MYLK: variants seen among roughly 807,000 people sequenced by gnomAD.
MYLK encodes the protein myosin light chain kinase, also known as myosin light chain kinase, smooth muscle.
MYLK carries 106 observed loss-of-function variants against 203.4 expected under a neutral mutation model. The ratio of observed to expected loss-of-function variants is 0.52; its 90% CI spans 0.45 to 0.61. The LOEUF (loss-of-function observed/expected upper bound fraction) is 0.61, where lower values mean the gene tolerates loss of function less well. MYLK is among the 20% of genes least tolerant of loss of function. MYLK has a pLI of 0.00. For missense variants in MYLK, 2,072 were observed against 2,442.3 expected (o/e 0.85, Z 3.20); for synonymous variants, 867 against 959.5 (o/e 0.90, Z 1.78).
In MYLK at chr3:123,680,091, T is replaced by C. The variant is rs543843324; in HGVS notation, c.3652+2133A>G. Among the ~76,000 whole-genome samples, 25 of 152,216 alleles carry C rather than the reference T, an allele frequency of 1.6e-4. No individual in the cohort carries two copies. In the East Asian group the frequency reaches 4.3e-3, roughly 26 times the overall value. On this transcript the variant is annotated intron_variant, in intron 20 of 33. Transcript: ENST00000360304. ...GCCTGTGCGGCAGTGGTTTAAATGC[T>C]CCCCAGGTGAATATAACACACAGCC...
intron 3 of MYLK, among the ~76,000 whole-genome samples, chr3:123,806,386 G>A (rs1242216423): frequency 5.9e-5 from 9 of 152,160 alleles, no homozygotes; most frequent in Admixed American, 3.3e-4. Flanking sequence ...CAGGTGAGCC[G>A]TCTGTATAGA....
intron 2 of MYLK, among the ~76,000 whole-genome samples, chr3:123,849,278 C>G (rs1489875888): frequency 6.6e-6 from 1 of 152,162 alleles, no homozygotes; most frequent in Admixed American, 6.5e-5. Flanking sequence ...CTGACCTCAA[C>G]TTATTTTTCA....
intron 12 of MYLK, 37 bp downstream of exon 12, chr3:123,725,907 G>A (rs954982969): frequency 1.2e-6 from 2 of 1,607,656 alleles, no homozygotes; most frequent in Non-Finnish European, 1.7e-6. Context: ...AAGGGCCCAG[G>A]GGATGGGAGC....
intron 12 of MYLK, among the ~76,000 whole-genome samples, chr3:123,723,969 C>T (rs1481781675): frequency 6.6e-6 from 1 of 152,012 alleles, no homozygotes; most frequent in Non-Finnish European, 1.5e-5. Context: ...ATGTGAAACT[C>T]ACATTTCAGT....
At chr3:123,637,990 G>T in intron 29 of MYLK, 81 bp downstream of exon 29, 2 of 1,598,664 alleles carry the variant, frequency 1.3e-6, no homozygotes, top group East Asian at 2.2e-5. Context: ...GGCAGCCTGG[G>T]GACCCTCCTG....
chr3:123,788,485 C>T (rs1015808862), intron 4 of MYLK, among the ~76,000 whole-genome samples: 1 of 148,278 alleles, frequency 6.7e-6, no homozygotes, highest in African/African-American at 2.6e-5. Flanking sequence ...GTGTGCTGCA[C>T]CCATTTAATT....
At chr3:123,755,392 C>A (rs2063330375) in intron 4 of MYLK, among the ~76,000 whole-genome samples, 1 of 152,124 alleles carries the variant, frequency 6.6e-6, no homozygotes, top group South Asian at 2.1e-4. Flanking sequence ...CTACACATAC[C>A]CCAAGCTTAC....
intron 8 of MYLK, among the ~76,000 whole-genome samples, chr3:123,736,441 G>A (rs1048987786): frequency 2.0e-5 from 3 of 152,092 alleles, no homozygotes; most frequent in African/African-American, 4.8e-5. Flanking sequence ...CCTGACCCCC[G>A]AGTTCCTGCT....
At chr3:123,799,853 G>C (rs76680456) in intron 3 of MYLK, 1 of 152,234 alleles carries the variant, frequency 6.6e-6, no homozygotes, top group Non-Finnish European at 1.5e-5. Flanking sequence ...CTTCTTCCTC[G>C]GCAGCTCTCA....
intron 23 of MYLK, among the ~76,000 whole-genome samples, chr3:123,659,914 A>G (rs924379559): frequency 6.6e-6 from 1 of 152,226 alleles, no homozygotes; most frequent in Admixed American, 6.5e-5. Context: ...TTTTCTCCTC[A>G]GCAAATGTTC....
intron 23 of MYLK, among the ~76,000 whole-genome samples, chr3:123,661,049 C>T (rs2059546211): frequency 6.6e-6 from 1 of 152,214 alleles, no homozygotes; most frequent in South Asian, 2.1e-4. Flanking sequence ...CCATTCCATT[C>T]CCCTCCCAGG....
chr3:123,666,905 G>T, intron 21 of MYLK: 1 of 611,394 alleles, frequency 1.6e-6, no homozygotes, highest in Admixed American at 2.9e-5. Context: ...TGTCAACATG[G>T]GAGGCAGATG....
intron 11 of MYLK, among the ~76,000 whole-genome samples, chr3:123,729,902 A>T (rs1474307599): frequency 1.3e-5 from 2 of 151,088 alleles, no homozygotes; most frequent in Non-Finnish European, 2.9e-5. Context: ...AAAAAATCAT[A>T]GTCAGATGAT....
chr3:123,620,928 T>G lies in MYLK; in HGVS notation c.5239-592A>C, dbSNP rs9818975. 1,400 of 154,264 alleles carry G rather than the reference T, an allele frequency of 9.1e-3. 18 individuals carry two copies. The highest frequency in any genetic ancestry group is 0.033 in the African/African-American group (1,357 of 41,584). The allele number at this position is 154,264 out of a possible 1,614,324, so 9.6% of individuals were successfully genotyped here. ...CTCCAAGGTCCCATTTAGCTCTGTTTATAATTCAGAGACTTAAAAGATTTT... is the reference window on the plus strand; with the variant it reads ...CTCCAAGGTCCCATTTAGCTCTGTTGATAATTCAGAGACTTAAAAGATTTT... On this transcript the variant is annotated intron_variant, in intron 31 of 33. Coordinates refer to ENST00000360304, the MANE Select transcript of MYLK (RefSeq NM_053025.4).
rs1576794350 is a variant in MYLK, at chr3:123,737,392, T to C, written c.740A>G (p.Glu247Gly). The C allele has an allele frequency of 6.2e-7, 1 of 1,614,094 alleles. No individual in the cohort carries two copies. Among genetic ancestry groups the C allele is most frequent in the East Asian group, 2.2e-5 (1 of 44,880 alleles). The change falls in exon 8 of 34, where the codon GAA becomes GGA. Residue 247 changes from glutamate to glycine, a missense_variant. Physicochemically the swap from Glu to Gly is moderately conservative, Grantham distance 98. Around this residue, in one of 3 missense-constraint regions of MYLK, gnomAD observed 683 missense variants for 643.8 expected, o/e 1.06. Coordinates refer to ENST00000360304, the MANE Select transcript of MYLK (RefSeq NM_053025.4). ...NGSGKASMSA[E>G]LSIQGLDSAN... ...CTGGTCGATACCTTGGATGGAAAGT[T>C]CAGCTGACATCGAGGCCTTCCCCGA... is the stretch of plus-strand genomic sequence containing the variant.
chr3:123,873,701 A>G (rs16834837), intron 2 of MYLK, among the ~76,000 whole-genome samples: 15,291 of 152,188 alleles, frequency 0.1, 1,201 homozygotes, highest in East Asian at 0.36. Flanking sequence ...TCTATATCCC[A>G]GCCTTTTAAA....
chr3:123,863,349 G>GA (rs1237375104), intron 2 of MYLK, among the ~76,000 whole-genome samples: 4 of 4,006 alleles, frequency 1.0e-3, no homozygotes, highest in Middle Eastern at 0.1. Flanking sequence ...TTTGGACACA[G>GA]AAAAAAAAAT....
At position 123,629,533 on chromosome 3, in the gene MYLK, G is replaced by A. The variant is rs148364244; in HGVS notation, c.5055C>T (p.Phe1685=). The A allele has an allele frequency of 9.3e-6, 15 of 1,614,164 alleles. No homozygotes were observed. The highest frequency in any genetic ancestry group is 1.3e-5 in the Non-Finnish European group (15 of 1,180,040). ...CCTTGGCATCGTCGGAGATCTCATC[G>A]AATGCCTCGTCGTCGAAGTCCCAGG... The part of the protein sequence containing the change: ...SATWDFDDEA[F]DEISDDAKDF... The change falls in exon 30 of 34, where the codon TTC becomes TTT. Residue 1685 remains phenylalanine (F), a synonymous_variant. Transcript: ENST00000360304. The surrounding 1 kb of genome is among the most constrained non-coding windows in gnomAD (Gnocchi z 4.4).
At position 123,700,943 on chromosome 3, in the gene MYLK, C is replaced by T; in HGVS notation, c.2525G>A (p.Gly842Asp). Residue 842 changes from glycine (G) to aspartate (D), a missense_variant, in exon 18 of 34, where the codon GGT (glycine) becomes GAT (aspartate). Gly to Asp is a moderately conservative substitution (Grantham distance 94). This residue lies in a region of MYLK where 865 missense variants were observed against 1,016.0 expected (regional missense o/e 0.85). Coordinates refer to ENST00000360304, the MANE Select transcript of MYLK (RefSeq NM_053025.4). ...CGGGVGADGG[G>D]SDRYGSLRPG... is the part of the protein sequence containing the mutation. Reference sequence around the variant, plus strand: ...CCTCAGGGACCCATAGCGGTCACTACCACCACCATCAGCACCAACTCCTCC... The same window carrying T: ...CCTCAGGGACCCATAGCGGTCACTATCACCACCATCAGCACCAACTCCTCC... The T allele has an allele frequency of 6.2e-7, 1 of 1,610,844 alleles. No homozygotes were observed. Among genetic ancestry groups the T allele is most frequent in the East Asian group, 2.2e-5 (1 of 44,844 alleles).
Sources: allele counts gnomAD v4.1 joint callset (sites outside exome capture counted in the v4.1 genomes callset), GRCh38; gene constraint gnomAD v4.1.1; regional missense constraint gnomAD v4.1.1; non-coding constraint Gnocchi (gnomAD v3.1); transcripts MANE v1.5; gene names NCBI Gene and HGNC (gene_info 2026-07-23, HGNC 2026-07-21).